KCNIP4: variants seen among roughly 807,000 people sequenced by gnomAD.
The protein encoded by KCNIP4 is potassium voltage-gated channel interacting protein 4.
KCNIP4 carries 12 observed loss-of-function variants against 34.0 expected under a neutral mutation model. That is an observed-to-expected ratio of 0.35 (90% CI 0.23 to 0.57). KCNIP4 has a LOEUF of 0.57. KCNIP4 is among the 20% of genes least tolerant of loss of function. The pLI is 0.83. For synonymous variants in KCNIP4, 124 were observed against 102.2 expected (o/e 1.21, Z -1.29); for missense variants, 238 against 311.7 (o/e 0.76, Z 1.78).
At chr4:21,945,260 T>C (rs564800302) in intron 1 of KCNIP4, among the ~76,000 whole-genome samples, 5 of 152,326 alleles carry the variant, frequency 3.3e-5, no homozygotes, top group African/African-American at 1.2e-4. Context: ...GGCTCATTAA[T>C]TTCCAAACCA....
intron 1 of KCNIP4, among the ~76,000 whole-genome samples, chr4:21,179,655 TG>T (rs1215195002): frequency 6.6e-6 from 1 of 152,218 alleles, no homozygotes; most frequent in Non-Finnish European, 1.5e-5. Flanking sequence ...TGTTATGCAT[TG>T]AAAAATGCAT....
intron 1 of KCNIP4, among the ~76,000 whole-genome samples, chr4:21,603,066 C>T (rs1294367982): frequency 6.6e-6 from 1 of 152,126 alleles, no homozygotes. Flanking sequence ...CAACTTTTAA[C>T]AATACTTACA....
At chr4:21,553,550 T>C (rs900389397) in intron 1 of KCNIP4, among the ~76,000 whole-genome samples, 3 of 152,036 alleles carry the variant, frequency 2.0e-5, no homozygotes, top group Admixed American at 2.0e-4. Context: ...AATGCACTTG[T>C]CCTACCTGAG....
At chr4:21,337,517 A>C (rs1716297895) in intron 1 of KCNIP4, among the ~76,000 whole-genome samples, 1 of 152,150 alleles carries the variant, frequency 6.6e-6, no homozygotes, top group South Asian at 2.1e-4. Flanking sequence ...GAATTTTATC[A>C]GGTGGTTTAA....
intron 1 of KCNIP4, among the ~76,000 whole-genome samples, chr4:21,807,207 G>A (rs1721348865): frequency 6.6e-6 from 1 of 152,180 alleles, no homozygotes; most frequent in African/African-American, 2.4e-5. Context: ...AAGCAATGAG[G>A]AGCAGCTGTA....
At chr4:21,735,028 T>C (rs914868353) in intron 1 of KCNIP4, among the ~76,000 whole-genome samples, 1 of 152,152 alleles carries the variant, frequency 6.6e-6, no homozygotes, top group Admixed American at 6.6e-5. Context: ...TCAACTGATA[T>C]TTGCTGAATT....
In KCNIP4 at chr4:21,147,861, C is replaced by T. The variant is rs913493451; in HGVS notation, c.62-265152G>A. Among the ~76,000 whole-genome samples, 4 of 143,578 alleles carry T rather than the reference C, an allele frequency of 2.8e-5. No homozygotes were observed. The East Asian group carries it at 8.2e-4, about 29-fold the overall frequency. 94.2% of individuals were successfully genotyped at this position (143,578 alleles called of 152,430 possible). The stretch of plus-strand genomic sequence containing the variant: ...GGCTGATGTGGGAGAATTGCTTGAA[C>T]CTGGGAAGCAGATGTTGCAGTGAGC... On this transcript the variant is annotated intron_variant, in intron 1 of 8. Transcript: ENST00000382152.
chr4:21,237,133 T>C (rs550939128), intron 1 of KCNIP4, among the ~76,000 whole-genome samples: 22 of 152,156 alleles, frequency 1.4e-4, no homozygotes, highest in African/African-American at 3.6e-4. Context: ...CCTGAAGATA[T>C]ATAACAAACG....
At chr4:20,913,710 T>C (rs1728550100) in intron 1 of KCNIP4, among the ~76,000 whole-genome samples, 1 of 152,224 alleles carries the variant, frequency 6.6e-6, no homozygotes, top group Non-Finnish European at 1.5e-5. Context: ...TGAATGTCTT[T>C]CTTAAAATTC....
intron 1 of KCNIP4, among the ~76,000 whole-genome samples, chr4:21,528,537 G>A (rs930641936): frequency 1.3e-5 from 2 of 151,344 alleles, no homozygotes; most frequent in Non-Finnish European, 2.9e-5. Flanking sequence ...TGTGGTGGCG[G>A]GCGCCTATAG....
chr4:20,916,164 A>T (rs1728792822), intron 1 of KCNIP4, among the ~76,000 whole-genome samples: 1 of 152,104 alleles, frequency 6.6e-6, no homozygotes, highest in South Asian at 2.1e-4. Context: ...TACCACAATC[A>T]GCTCTGTCCA....
chr4:21,257,762 A>AAAAG (rs1553847665), intron 1 of KCNIP4, among the ~76,000 whole-genome samples: 189 of 106,550 alleles, frequency 1.8e-3, no homozygotes, highest in South Asian at 3.1e-3. Flanking sequence ...AAAAAAAAAA[A>AAAAG]AAAGAAAGAA....
chr4:20,738,582 A>G (rs544784697), intron 5 of KCNIP4, among the ~76,000 whole-genome samples: 21 of 152,350 alleles, frequency 1.4e-4, no homozygotes, highest in African/African-American at 4.6e-4. Flanking sequence ...AAAACAGCAG[A>G]GAAACAATGA....
At chr4:20,745,090 A>T (rs1257599128) in intron 5 of KCNIP4, among the ~76,000 whole-genome samples, 3 of 152,196 alleles carry the variant, frequency 2.0e-5, no homozygotes, top group Admixed American at 6.5e-5. Context: ...CTTGCTCAAC[A>T]GGAGCAATGA....
intron 1 of KCNIP4, among the ~76,000 whole-genome samples, chr4:21,528,523 TG>T (rs1484043684): frequency 1.3e-5 from 2 of 151,234 alleles, no homozygotes; most frequent in African/African-American, 4.9e-5. Context: ...AAAAATTAGC[TG>T]GGTGTGGTGG....
At chr4:20,830,404 G>A (rs1718274720) in intron 3 of KCNIP4, among the ~76,000 whole-genome samples, 1 of 152,052 alleles carries the variant, frequency 6.6e-6, no homozygotes, top group South Asian at 2.1e-4. Flanking sequence ...AAATTCCCTT[G>A]GTTGAGGGCC....
At chr4:21,202,359 A>G (rs1347915267) in intron 1 of KCNIP4, among the ~76,000 whole-genome samples, 1 of 152,184 alleles carries the variant, frequency 6.6e-6, no homozygotes, top group African/African-American at 2.4e-5. Context: ...GTTCTCACCT[A>G]TTAGTGGAAG....
chr4:21,870,487 G>A (rs1725723866), intron 1 of KCNIP4, among the ~76,000 whole-genome samples: 1 of 152,182 alleles, frequency 6.6e-6, no homozygotes, highest in Non-Finnish European at 1.5e-5. Context: ...ACTGATACAT[G>A]TGATGCATGT....
intron 1 of KCNIP4, among the ~76,000 whole-genome samples, chr4:21,267,970 A>G (rs1265402024): frequency 6.6e-6 from 1 of 151,948 alleles, no homozygotes; most frequent in Admixed American, 6.6e-5. Flanking sequence ...CTGTGAATCC[A>G]TCTGGTCCTG....
Sources: allele counts gnomAD v4.1 joint callset (sites outside exome capture counted in the v4.1 genomes callset), GRCh38; gene constraint gnomAD v4.1.1; transcripts MANE v1.5; gene names NCBI Gene and HGNC (gene_info 2026-07-23, HGNC 2026-07-21).